MYO3A: variants seen among roughly 807,000 people sequenced by gnomAD.
MYO3A encodes the protein myosin IIIA.
MYO3A carries 180 observed loss-of-function variants against 192.7 expected under a neutral mutation model. The observed-to-expected ratio is 0.93, with a 90% CI of 0.83 to 1.06. MYO3A has a LOEUF of 1.06. Ranked by LOEUF, MYO3A falls within the 50% of genes least tolerant of loss-of-function variation. The probability of loss-of-function intolerance (pLI) is 0.00; values close to 1 mark genes in which losing one functional copy is unlikely to be tolerated. For synonymous variants in MYO3A, 628 were observed against 645.3 expected, an observed-to-expected ratio of 0.97 and a Z score of 0.41; for missense variants, 1,896 against 1,905.0, an observed-to-expected ratio of 1.00 and a Z score of 0.09.
intron 4 of MYO3A, among the ~76,000 whole-genome samples, chr10:25,995,847 T>C (rs1840397103): frequency 6.6e-6 from 1 of 152,250 alleles, no homozygotes. Context: ...TGTTGCTGTC[T>C]GATCGTTCCT....
At chr10:26,062,009 G>A (rs1000440513) in intron 10 of MYO3A, among the ~76,000 whole-genome samples, 5 of 151,426 alleles carry the variant, frequency 3.3e-5, no homozygotes, top group Admixed American at 2.6e-4. Flanking sequence ...AGCAAATGTG[G>A]AGACCAACTA....
chr10:25,979,199 A>G (rs1588694157), intron 4 of MYO3A, among the ~76,000 whole-genome samples: 1 of 152,216 alleles, frequency 6.6e-6, no homozygotes, highest in African/African-American at 2.4e-5. Flanking sequence ...AGTGGCTTCT[A>G]CAGAATTAGA....
intron 15 of MYO3A, among the ~76,000 whole-genome samples, chr10:26,089,010 A>G (rs372117630): frequency 6.6e-6 from 1 of 152,210 alleles, no homozygotes; most frequent in Admixed American, 6.5e-5. Context: ...AGAGGAAACT[A>G]TCGTTACACA....
chr10:25,963,026 A>G (rs749553638), intron 4 of MYO3A, among the ~76,000 whole-genome samples: 1 of 152,208 alleles, frequency 6.6e-6, no homozygotes, highest in Non-Finnish European at 1.5e-5. Context: ...CCTTTCCCTC[A>G]TAATCCAATC....
At position 26,147,518 on chromosome 10, in the gene MYO3A, G is replaced by A. The variant is rs192071905; in HGVS notation, c.2594G>A (p.Ser865Asn). ...CTACTTTTGAGGTCATCCGACAACAGTGTAATTAGGCAACTAGTCAACCAC... is the reference window on the plus strand; with the variant it reads ...CTACTTTTGAGGTCATCCGACAACAATGTAATTAGGCAACTAGTCAACCAC... ...IVLLLRSSDN[S>N]VIRQLVNHPL... The change falls in exon 23 of 35, where the codon AGT (serine) becomes AAT (asparagine). Residue 865 changes from serine (S) to asparagine (N), a missense_variant. Transcript: ENST00000642920. 3.1e-6 allele frequency: 5 copies of A among 1,614,024 alleles called. No homozygotes were observed. The Admixed American group carries it at 6.7e-5, about 22-fold the overall frequency.
rs1353786562 is a variant in MYO3A, at chr10:26,126,462, C to CT, written c.2114+855dup. Among the ~76,000 whole-genome samples, 4 of 152,274 alleles carry CT rather than the reference C, an allele frequency of 2.6e-5. No individual in the cohort carries two copies. The East Asian group carries it at 5.8e-4, about 22-fold the overall frequency. On this transcript the variant is annotated intron_variant, in intron 19 of 34. Transcript: ENST00000642920. Reference sequence around the variant, plus strand: ...ATTATACTATGTATAGTCAAACTGTCTAAGACCTTATCCATTATTTCTCCA... The same window carrying CT: ...ATTATACTATGTATAGTCAAACTGTCTTAAGACCTTATCCATTATTTCTCCA...
At chr10:26,147,717 A>C (rs1049190179) in intron 23 of MYO3A, among the ~76,000 whole-genome samples, 158 bp downstream of exon 23, 11 of 152,234 alleles carry the variant, frequency 7.2e-5, no homozygotes, top group African/African-American at 2.7e-4. Flanking sequence ...GATCATCTGA[A>C]GAAAATATAA....
At chr10:26,073,248 G>A (rs1488373313) in intron 14 of MYO3A, among the ~76,000 whole-genome samples, 1 of 151,800 alleles carries the variant, frequency 6.6e-6, no homozygotes, top group Non-Finnish European at 1.5e-5. Flanking sequence ...AACAAACACT[G>A]ATACAAGCAA....
chr10:26,193,281 T>C lies in MYO3A; in HGVS notation c.4515T>C (p.Pro1505=). The change falls in exon 32 of 35, where the codon CCT becomes CCC. Residue 1505 remains proline, a synonymous_variant. Coordinates refer to ENST00000642920, the MANE Select transcript of MYO3A (RefSeq NM_017433.5). The part of the protein sequence containing the change: ...RPRKPKTLNN[P]EDSTYYYLLH... ...GGAAACCCAAAACATTAAATAACCC[T>C]GAAGACTCCACATACTATTATCTAC... The C allele has an allele frequency of 6.2e-7, 1 of 1,613,822 alleles. No individual in the cohort carries two copies. Among genetic ancestry groups the C allele is most frequent in the East Asian group, 2.2e-5 (1 of 44,868 alleles).
chr10:26,188,812 A>G (rs1403552209), intron 31 of MYO3A, among the ~76,000 whole-genome samples: 2 of 152,058 alleles, frequency 1.3e-5, no homozygotes, highest in African/African-American at 2.4e-5. Context: ...AAGTGGCATT[A>G]TTTCTGAGGG....
At chr10:26,083,999 G>A (rs1394112455) in intron 14 of MYO3A, among the ~76,000 whole-genome samples, 1 of 152,152 alleles carries the variant, frequency 6.6e-6, no homozygotes, top group Non-Finnish European at 1.5e-5. Flanking sequence ...GCAATTTCTA[G>A]ATAGTTCGTA....
intron 17 of MYO3A, among the ~76,000 whole-genome samples, chr10:26,097,217 ACTTT>A (rs1346181223): frequency 2.0e-5 from 3 of 152,038 alleles, no homozygotes; most frequent in African/African-American, 7.2e-5. Flanking sequence ...CTTCATCCCT[ACTTT>A]CTATCACTAT....
chr10:25,990,663 C>G (rs984446959), intron 4 of MYO3A, among the ~76,000 whole-genome samples: 1 of 108,032 alleles, frequency 9.3e-6, no homozygotes, highest in Non-Finnish European at 1.8e-5. Context: ...CCTCCCCCCT[C>G]CCCCCACCCC....
intron 2 of MYO3A, among the ~76,000 whole-genome samples, chr10:25,948,204 A>G (rs1402842161): frequency 6.6e-6 from 1 of 152,202 alleles, no homozygotes; most frequent in Non-Finnish European, 1.5e-5. Context: ...TATGTTTTAG[A>G]ATGAGCATGA....
chr10:26,058,549 A>C (rs1347582563), intron 10 of MYO3A, among the ~76,000 whole-genome samples: 1 of 152,220 alleles, frequency 6.6e-6, no homozygotes, highest in African/African-American at 2.4e-5. Context: ...AGAAACTGTC[A>C]AACTGTCTTC....
At chr10:26,109,147 G>T (rs779642866) in intron 17 of MYO3A, among the ~76,000 whole-genome samples, 25 of 152,160 alleles carry the variant, frequency 1.6e-4, no homozygotes, top group Non-Finnish European at 2.8e-4. Context: ...TGTAAGAATG[G>T]AAAATGTAGA....
intron 4 of MYO3A, among the ~76,000 whole-genome samples, chr10:25,970,525 AGAAGTTAATAAAATT>A (rs750741368): frequency 1.5e-3 from 229 of 152,092 alleles, no homozygotes; most frequent in Non-Finnish European, 1.9e-3. Flanking sequence ...TTTTGCCTTA[AGAAGTTAATAAAATT>A]GAAGCAAATT....
intron 6 of MYO3A, among the ~76,000 whole-genome samples, chr10:26,012,081 G>T (rs1841696845): frequency 6.6e-6 from 1 of 151,996 alleles, no homozygotes; most frequent in Admixed American, 6.6e-5. Context: ...AACAAACTAG[G>T]CATGGAAGGC....
intron 4 of MYO3A, among the ~76,000 whole-genome samples, chr10:25,976,130 T>G (rs960537725): frequency 4.6e-5 from 7 of 152,218 alleles, no homozygotes; most frequent in African/African-American, 7.2e-5. Context: ...CCAATTGTAC[T>G]CTTATACACT....
Sources: allele counts gnomAD v4.1 joint callset (sites outside exome capture counted in the v4.1 genomes callset), GRCh38; gene constraint gnomAD v4.1.1; transcripts MANE v1.5; gene names NCBI Gene and HGNC (gene_info 2026-07-23, HGNC 2026-07-21).